CHLSN: variants seen among roughly 807,000 people sequenced by gnomAD.
CHLSN encodes the protein protein cholesin.
At chr7:1,019,216 G>T in the CHLSN span, among the ~76,000 whole-genome samples, 53 of 137,052 alleles carry the variant, frequency 3.9e-4, no homozygotes, top group African/African-American at 1.2e-3. Context: ...AAAAAACGGG[G>T]GGGGGGGAGT....
the CHLSN span, among the ~76,000 whole-genome samples, chr7:992,302 C>T: frequency 6.6e-6 from 1 of 152,212 alleles, no homozygotes; most frequent in African/African-American, 2.4e-5. Flanking sequence ...GCACGTGCCT[C>T]CCATTACCAT....
At chr7:1,038,850 G>A in the CHLSN span, among the ~76,000 whole-genome samples, 14 of 59,782 alleles carry the variant, frequency 2.3e-4, no homozygotes, top group Admixed American at 4.3e-4. Flanking sequence ...TCAGCCCCCC[G>A]CCTGGCCAGC....
At chr7:1,070,239 C>G in the CHLSN span, among the ~76,000 whole-genome samples, 1 of 143,026 alleles carries the variant, frequency 7.0e-6, no homozygotes, top group East Asian at 2.0e-4. Context: ...CGGCAGCCAC[C>G]CCGTCCGGGA....
At chr7:1,037,702 C>T in the CHLSN span, among the ~76,000 whole-genome samples, 20 of 93,462 alleles carry the variant, frequency 2.1e-4, 1 homozygote, top group Middle Eastern at 5.6e-3. Context: ...TCTGCCTGGC[C>T]GCCCATCGTC....
At chr7:988,657 G>T in the CHLSN span, 1 of 1,601,636 alleles carries the variant, frequency 6.2e-7, no homozygotes. Context: ...GTGTTGGGGA[G>T]CGCCTGGCCA....
the CHLSN span, chr7:996,943 TG>T: frequency 6.6e-6 from 1 of 152,254 alleles, no homozygotes; most frequent in African/African-American, 2.4e-5. Context: ...TGCGCTGGCA[TG>T]GGGGACACGA....
At chr7:985,376 G>A in the CHLSN span, 15 of 1,526,602 alleles carry the variant, frequency 9.8e-6, no homozygotes, top group Admixed American at 4.0e-5. Flanking sequence ...AGTGATGGGC[G>A]TGCAGCAGGA....
the CHLSN span, among the ~76,000 whole-genome samples, chr7:1,125,441 C>A: frequency 1.3e-5 from 2 of 152,248 alleles, no homozygotes; most frequent in Non-Finnish European, 2.9e-5. Context: ...AAAGCTTGAA[C>A]CCTGGTGTCA....
the CHLSN span, among the ~76,000 whole-genome samples, chr7:1,002,657 G>A: frequency 7.9e-6 from 1 of 126,012 alleles, no homozygotes; most frequent in South Asian, 2.8e-4. Context: ...CTGCGGGTGA[G>A]TGGAGTCCTG....
the CHLSN span, among the ~76,000 whole-genome samples, chr7:1,125,782 C>T: frequency 6.6e-6 from 1 of 152,232 alleles, no homozygotes; most frequent in African/African-American, 2.4e-5. Flanking sequence ...AAAGCCCTGC[C>T]CTTCCACGGG....
chr7:1,117,527 C>G, the CHLSN span, among the ~76,000 whole-genome samples: 1 of 135,380 alleles, frequency 7.4e-6, no homozygotes, highest in Non-Finnish European at 1.5e-5. Flanking sequence ...GACATCACTA[C>G]AGCTCTAGGA....
chr7:1,015,426 G>A, the CHLSN span, among the ~76,000 whole-genome samples: 1 of 152,214 alleles, frequency 6.6e-6, no homozygotes, highest in African/African-American at 2.4e-5. Flanking sequence ...CCCCTGCAGA[G>A]GCTGGGTTCA....
the CHLSN span, among the ~76,000 whole-genome samples, chr7:1,035,956 C>T: frequency 0.014 from 2,173 of 152,264 alleles, 109 homozygotes; most frequent in East Asian, 0.19. Flanking sequence ...TCTGTCATGC[C>T]GTGAAAAGAC....
the CHLSN span, among the ~76,000 whole-genome samples, chr7:1,076,451 C>G: frequency 0.042 from 6,328 of 152,294 alleles, 432 homozygotes; most frequent in African/African-American, 0.14. Context: ...GGGAGGAGTT[C>G]CCCTGTGGCA....
At chr7:1,091,647 T>C in the CHLSN span, 2 of 1,053,448 alleles carry the variant, frequency 1.9e-6, no homozygotes, top group Non-Finnish European at 2.8e-6. Context: ...GAATCACGCT[T>C]CTTTCTAAAG....
chr7:987,015 G>A, the CHLSN span: 6 of 1,409,932 alleles, frequency 4.3e-6, no homozygotes, highest in Non-Finnish European at 5.6e-6. Flanking sequence ...GATCACCGGG[G>A]CATCCATAGT....
chr7:1,043,015 G>A, the CHLSN span, among the ~76,000 whole-genome samples: 1 of 151,716 alleles, frequency 6.6e-6, no homozygotes, highest in African/African-American at 2.4e-5. Context: ...ACTTTGGGAA[G>A]CCCAGGCAGG....
the CHLSN span, among the ~76,000 whole-genome samples, chr7:1,075,368 G>A: frequency 8.6e-4 from 130 of 151,332 alleles, no homozygotes; most frequent in Non-Finnish European, 1.6e-3. Flanking sequence ...AAAATTAGCC[G>A]GGGAAAAATA....
the CHLSN span, among the ~76,000 whole-genome samples, chr7:1,020,333 C>T: frequency 3.3e-5 from 5 of 152,164 alleles, no homozygotes; most frequent in East Asian, 5.8e-4. Context: ...CCGCCCAGCA[C>T]GCCCACCAAA....
Sources: gnomAD v4.1 joint callset for allele counts (sites outside exome capture counted in the v4.1 genomes callset) on GRCh38, gnomAD v4.1.1 for gene constraint, MANE v1.5 for transcripts, NCBI Gene and HGNC (gene_info 2026-07-23, HGNC 2026-07-21) for gene names.